Variants in CYP20A1 observed in about 807,000 individuals in gnomAD.
The protein encoded by CYP20A1 is cytochrome P450 20A1.
A neutral mutation model predicts 61.4 loss-of-function variants in CYP20A1; 61 were observed. That is an observed-to-expected ratio of 0.99 (90% CI 0.81 to 1.23). The LOEUF (loss-of-function observed/expected upper bound fraction) is 1.23. Ranked by LOEUF, CYP20A1 falls within the 50% of genes most tolerant of loss-of-function variation. The pLI, the probability that CYP20A1 is intolerant of heterozygous loss-of-function variation, is 0.00. For synonymous variants in CYP20A1, 193 were observed against 188.2 expected (o/e 1.03, Z -0.21); for missense variants, 530 against 542.4 (o/e 0.98, Z 0.23).
In CYP20A1 at chr2:203,299,238, A is replaced by G. The variant is rs1007916111; in HGVS notation, c.*2330A>G. 8.5e-5 allele frequency among the ~76,000 whole-genome samples: 13 copies of G among 152,132 alleles called. No homozygotes were observed. Among genetic ancestry groups the G allele is most frequent in the Non-Finnish European group, 1.6e-4 (11 of 68,018 alleles). On this transcript the variant is annotated 3_prime_UTR_variant, in exon 13 of 13. Transcript: ENST00000356079. ...ATAGTGAGGAAAGAAAGGAAGAAAA[A>G]TGATAATTGTCTGCAAGTGGGCTTA...
chr2:203,265,468 G>C (rs556077940), intron 4 of CYP20A1, among the ~76,000 whole-genome samples: 21 of 152,168 alleles, frequency 1.4e-4, no homozygotes, highest in African/African-American at 5.1e-4. Context: ...TTTATACTTT[G>C]ATTTTGTACA....
chr2:203,248,308 C>T (rs1372065381), intron 3 of CYP20A1, among the ~76,000 whole-genome samples: 1 of 152,044 alleles, frequency 6.6e-6, no homozygotes, highest in Non-Finnish European at 1.5e-5. Context: ...CCAAGGCAGG[C>T]AGATCACATG....
In CYP20A1 at chr2:203,298,607, A is replaced by G. The variant is rs377669970; in HGVS notation, c.*1699A>G. 2.7e-5 allele frequency among the ~76,000 whole-genome samples: 4 copies of G among 148,188 alleles called. No homozygotes were observed. The highest frequency in any genetic ancestry group is 1.0e-4 in the African/African-American group (4 of 40,180). ...TCCCAGCTACTCAGGAGGCTGAGGC[A>G]GGATAATCGCTTGAACCTGGGAGGC... is the stretch of plus-strand genomic sequence containing the variant. On this transcript the variant is annotated 3_prime_UTR_variant, in exon 13 of 13. Transcript: ENST00000356079.
At position 203,302,437 on chromosome 2, in the gene CYP20A1, G is replaced by A. The variant is rs1233258633; in HGVS notation, c.*5529G>A. 2.0e-5 allele frequency among the ~76,000 whole-genome samples: 3 copies of A among 152,176 alleles called. No individual in the cohort carries two copies. The highest frequency in any genetic ancestry group is 4.4e-5 in the Non-Finnish European group (3 of 68,028). On this transcript the variant is annotated 3_prime_UTR_variant, in exon 13 of 13. Transcript: ENST00000356079. ...CAGTCCCAACTATTCAGGAGGCTGA[G>A]GCGAGAGGATGGCTTGAGCTCAGGA...
intron 9 of CYP20A1, among the ~76,000 whole-genome samples, chr2:203,286,424 T>C (rs2068272830): frequency 1.8e-4 from 2 of 11,250 alleles, no homozygotes; most frequent in South Asian, 0.011. Flanking sequence ...TTTGCATATA[T>C]TCATAGCAAA....
chr2:203,273,564 CTGAGA>C (rs2067693782), intron 6 of CYP20A1, among the ~76,000 whole-genome samples: 1 of 152,108 alleles, frequency 6.6e-6, no homozygotes, highest in African/African-American at 2.4e-5. Flanking sequence ...ACTTGGGAGG[CTGAGA>C]TGAGAGGATC....
intron 3 of CYP20A1, among the ~76,000 whole-genome samples, chr2:203,249,794 G>A (rs1041986616): frequency 7.2e-5 from 11 of 152,164 alleles, no homozygotes; most frequent in South Asian, 2.1e-4. Context: ...GTGGTAAGCC[G>A]AGATCAAGCC....
chr2:203,288,579 A>G (rs757229121), intron 9 of CYP20A1, among the ~76,000 whole-genome samples: 10 of 152,202 alleles, frequency 6.6e-5, no homozygotes, highest in Non-Finnish European at 1.3e-4. Context: ...TATCTAGCAC[A>G]GTGCTTCACA....
At position 203,263,865 on chromosome 2, in the gene CYP20A1, G is replaced by A. The variant is rs1575205333; in HGVS notation, c.433-2649G>A. Among the ~76,000 whole-genome samples the A allele has an allele frequency of 2.6e-5, 4 of 152,088 alleles. 1 individual carries two copies. In the East Asian group the frequency reaches 7.7e-4, roughly 29 times the overall value. On this transcript the variant is annotated intron_variant, in intron 4 of 12. Transcript: ENST00000356079. ...TTTGGTAAATAAAATGGTGTGCTCT[G>A]TTACTGTTGTTGATCTTTTTTATAC...
At chr2:203,245,521 A>G (rs1488704825) in intron 1 of CYP20A1, among the ~76,000 whole-genome samples, 1 of 151,982 alleles carries the variant, frequency 6.6e-6, no homozygotes, top group African/African-American at 2.4e-5. Flanking sequence ...AGGCCCCAGC[A>G]TGTATTGTTC....
At chr2:203,256,698 CTCACT>C (rs2066906616) in intron 4 of CYP20A1, among the ~76,000 whole-genome samples, 1 of 152,192 alleles carries the variant, frequency 6.6e-6, no homozygotes, top group Admixed American at 6.5e-5. Flanking sequence ...GTCTGTCTCC[CTCACT>C]TAAGTGTGTG....
Position 203,297,675 on chromosome 2 carries a change from C to T in CYP20A1, c.*767C>T, listed in dbSNP as rs2068868410. The T allele has an allele frequency of 6.6e-6, 1 of 151,222 alleles. No individual in the cohort carries two copies. The highest frequency in any genetic ancestry group is 6.6e-5 in the Admixed American group (1 of 15,126). 9.4% of individuals were successfully genotyped at this position (151,222 alleles called of 1,614,324 possible). A position where few individuals can be genotyped will look rare whatever the true frequency, so the allele number is the denominator to read the frequency against. On this transcript the variant is annotated 3_prime_UTR_variant, in exon 13 of 13. Transcript: ENST00000356079. Reference sequence around the variant, plus strand: ...TGGCCAACAGGATGAAACCCTGTCTCTATTAAAAATACAGAAAATTGGCCG... The same window carrying T: ...TGGCCAACAGGATGAAACCCTGTCTTTATTAAAAATACAGAAAATTGGCCG...
At chr2:203,244,751 G>A (rs1290047179) in intron 1 of CYP20A1, among the ~76,000 whole-genome samples, 1 of 82,378 alleles carries the variant, frequency 1.2e-5, no homozygotes, top group African/African-American at 5.2e-5. Context: ...TTTTTTTTTT[G>A]AGACGGAGTC....
chr2:203,272,468 G>A (rs892196174), intron 5 of CYP20A1, among the ~76,000 whole-genome samples: 1 of 149,480 alleles, frequency 6.7e-6, no homozygotes. Flanking sequence ...CTTGAGCCTG[G>A]GAGGTGGAGG....
rs1330289749 is a variant in CYP20A1, at chr2:203,246,747, T to C, written c.123-8T>C. The C allele has an allele frequency of 6.2e-7, 1 of 1,606,498 alleles. No individual in the cohort carries two copies. Among genetic ancestry groups the C allele is most frequent in the Non-Finnish European group, 8.5e-7 (1 of 1,177,940 alleles). On this transcript the variant is annotated splice_region_variant and splice_polypyrimidine_tract_variant and intron_variant, in intron 2 of 12. Coordinates refer to ENST00000356079, the MANE Select transcript of CYP20A1 (RefSeq NM_177538.3). ...TGATTATTTTGTCAAATGTTGCTCT[T>C]TTGCCAGAGATGGTAATCTTCCAGA...
intron 5 of CYP20A1, among the ~76,000 whole-genome samples, chr2:203,268,322 C>T (rs1166618762): frequency 6.6e-6 from 1 of 152,126 alleles, no homozygotes; most frequent in African/African-American, 2.4e-5. Flanking sequence ...TTCCAGGACC[C>T]AATTCATGAT....
rs549216967 is a variant in CYP20A1 at position 203,301,644 on chromosome 2, T to G, written c.*4736T>G. Among the ~76,000 whole-genome samples the G allele has an allele frequency of 4.6e-5, 7 of 152,272 alleles. No individual in the cohort carries two copies. Among genetic ancestry groups the G allele is most frequent in the South Asian group, 2.1e-4 (1 of 4,830 alleles). On this transcript the variant is annotated 3_prime_UTR_variant, in exon 13 of 13. Transcript: ENST00000356079. ...ACAAAATTTAAGGCAATATTAATTC[T>G]GTGCATGTGTTTGGGAAAATTAAAA...
chr2:203,266,569 C>G lies in CYP20A1; in HGVS notation c.488C>G (p.Pro163Arg), dbSNP rs975923015. 1 of 1,613,752 alleles carries G rather than the reference C, an allele frequency of 6.2e-7. No homozygotes were observed. The highest frequency in any genetic ancestry group is 1.3e-5 in the African/African-American group (1 of 74,870). The change falls in exon 5 of 13, where the codon CCC becomes CGC. Residue 163 changes from proline to arginine, a missense_variant. Physicochemically the swap from Pro to Arg is moderately radical, Grantham distance 103 (BLOSUM62 -2). Transcript: ENST00000356079. ...TCCTACCCAGAGACCCAGCACGTGC[C>G]CCTCAGCCAGCATATGCTTGGTTTT... is the stretch of plus-strand genomic sequence containing the variant. Reference protein sequence around the residue: ...WLSYPETQHVPLSQHMLGFAM... With the variant: ...WLSYPETQHVRLSQHMLGFAM...
At chr2:203,292,387 T>C in intron 11 of CYP20A1, 61 bp downstream of exon 11, 1 of 1,226,990 alleles carries the variant, frequency 8.2e-7, no homozygotes, top group Non-Finnish European at 1.2e-6. Flanking sequence ...CGTTTTGCAT[T>C]CCTTTCCTAA....
Sources: allele counts gnomAD v4.1 joint callset (sites outside exome capture counted in the v4.1 genomes callset), GRCh38; gene constraint gnomAD v4.1.1; transcripts MANE v1.5; gene names NCBI Gene and HGNC (gene_info 2026-07-23, HGNC 2026-07-21).